The following HS6ST3 variants were observed in gnomAD, a reference collection of about 807,000 sequenced individuals.
HS6ST3 encodes the protein heparan-sulfate 6-O-sulfotransferase 3.
HS6ST3 carries 12 observed loss-of-function variants against 36.7 expected under a neutral mutation model. The observed-to-expected ratio is 0.33, with a 90% confidence interval of 0.21 to 0.53. The LOEUF is 0.53. Ranked by LOEUF, HS6ST3 falls within the 20% of genes least tolerant of loss-of-function variation. The pLI, the probability that HS6ST3 is intolerant of heterozygous loss-of-function variation, is 0.95. For synonymous variants in HS6ST3, 240 were observed against 257.5 expected, an observed-to-expected ratio of 0.93 and a Z score of 0.65; for missense variants, 584 against 640.9, an observed-to-expected ratio of 0.91 and a Z score of 0.96.
intron 1 of HS6ST3, among the ~76,000 whole-genome samples, chr13:96,324,165 G>C (rs188821770): frequency 5.4e-4 from 82 of 152,262 alleles, no homozygotes; most frequent in African/African-American, 1.9e-3. Flanking sequence ...CACTTAACAG[G>C]CTTCCAGAAG....
chr13:96,664,411 A>G (rs2056656578), intron 1 of HS6ST3, among the ~76,000 whole-genome samples: 1 of 152,180 alleles, frequency 6.6e-6, no homozygotes, highest in South Asian at 2.1e-4. Flanking sequence ...CTCAGACCCC[A>G]GTTGCTGTGC....
intron 1 of HS6ST3, among the ~76,000 whole-genome samples, chr13:96,397,273 C>G (rs1370888360): frequency 6.6e-6 from 1 of 152,136 alleles, no homozygotes; most frequent in East Asian, 1.9e-4. Context: ...TAGGTATATA[C>G]TTTTAAAGCG....
intron 1 of HS6ST3, among the ~76,000 whole-genome samples, chr13:96,166,136 T>C (rs2054159077): frequency 1.3e-5 from 2 of 152,084 alleles, no homozygotes; most frequent in South Asian, 4.2e-4. Flanking sequence ...TAGCTCACTG[T>C]GGCCTTGAAC....
At chr13:96,147,344 C>T (rs1468378677) in intron 1 of HS6ST3, among the ~76,000 whole-genome samples, 1 of 152,180 alleles carries the variant, frequency 6.6e-6, no homozygotes, top group Admixed American at 6.5e-5. Flanking sequence ...TTAACTGTCT[C>T]TTACAGAGGT....
chr13:96,138,675 G>A (rs2139316021), intron 1 of HS6ST3, among the ~76,000 whole-genome samples: 1 of 152,048 alleles, frequency 6.6e-6, no homozygotes, highest in East Asian at 1.9e-4. Context: ...ATATGTATTA[G>A]TTTGCATTTG....
At chr13:96,476,484 T>C (rs1327718439) in intron 1 of HS6ST3, among the ~76,000 whole-genome samples, 1 of 152,164 alleles carries the variant, frequency 6.6e-6, no homozygotes, top group Non-Finnish European at 1.5e-5. Context: ...TGCCTCAGCC[T>C]CCAGAGCAGC....
chr13:96,282,704 T>C (rs2054781920), intron 1 of HS6ST3, among the ~76,000 whole-genome samples: 1 of 152,198 alleles, frequency 6.6e-6, no homozygotes, highest in African/African-American at 2.4e-5. Context: ...ATGTAAGTTC[T>C]TAGGTAGAAT....
intron 1 of HS6ST3, among the ~76,000 whole-genome samples, chr13:96,420,820 A>G (rs563801926): frequency 6.6e-6 from 1 of 152,336 alleles, no homozygotes; most frequent in East Asian, 1.9e-4. Context: ...AGTTATTTTT[A>G]CATTGCCTGA....
At chr13:96,562,619 T>C (rs551538961) in intron 1 of HS6ST3, among the ~76,000 whole-genome samples, 1 of 152,292 alleles carries the variant, frequency 6.6e-6, no homozygotes, top group South Asian at 2.1e-4. Context: ...ACCATTCAGA[T>C]TTTTAAAATC....
At chr13:96,656,679 A>G (rs563797858) in intron 1 of HS6ST3, among the ~76,000 whole-genome samples, 2 of 152,220 alleles carry the variant, frequency 1.3e-5, no homozygotes, top group African/African-American at 4.8e-5. Flanking sequence ...CTGTAGTAGA[A>G]TGGAGGAAGG....
intron 1 of HS6ST3, among the ~76,000 whole-genome samples, chr13:96,730,246 T>A (rs2138476063): frequency 6.6e-6 from 1 of 152,358 alleles, no homozygotes; most frequent in South Asian, 2.1e-4. Flanking sequence ...CTTCTGGTCA[T>A]CTTCTTGCAG....
chr13:96,765,060 C>CTTTTTTTTTTTTTTT (rs11423735), intron 1 of HS6ST3, among the ~76,000 whole-genome samples: 25 of 93,912 alleles, frequency 2.7e-4, no homozygotes, highest in East Asian at 6.7e-4. Context: ...TTGTTTCTTT[C>CTTTTTTTTTTTTTTT]TTTTTTTTTT....
chr13:96,800,437 G>A (rs1026892321), intron 1 of HS6ST3, among the ~76,000 whole-genome samples: 10 of 151,972 alleles, frequency 6.6e-5, no homozygotes, highest in African/African-American at 2.4e-4. Flanking sequence ...CATCGGAGCA[G>A]TGCAGTATCT....
At chr13:96,712,288 A>G (rs914572527) in intron 1 of HS6ST3, among the ~76,000 whole-genome samples, 2 of 152,214 alleles carry the variant, frequency 1.3e-5, no homozygotes, top group Non-Finnish European at 1.5e-5. Context: ...CGTAAGAGAC[A>G]TAAATTCATC....
chr13:96,231,740 T>C (rs1477251645), intron 1 of HS6ST3, among the ~76,000 whole-genome samples: 1 of 152,034 alleles, frequency 6.6e-6, no homozygotes, highest in Admixed American at 6.6e-5. Flanking sequence ...AAGTAGGACG[T>C]TTTTCTGGAA....
intron 1 of HS6ST3, among the ~76,000 whole-genome samples, chr13:96,476,195 C>T (rs1243390624): frequency 6.6e-6 from 1 of 152,094 alleles, no homozygotes; most frequent in East Asian, 1.9e-4. Context: ...TTCATCTTTG[C>T]TGGAGTCTTA....
At chr13:96,440,032 T>C (rs1359230701) in intron 1 of HS6ST3, among the ~76,000 whole-genome samples, 1 of 152,238 alleles carries the variant, frequency 6.6e-6, no homozygotes, top group Non-Finnish European at 1.5e-5. Flanking sequence ...TAGAGTGATA[T>C]GCTCCATTTA....
chr13:96,656,160 C>T (rs2056624043), intron 1 of HS6ST3, among the ~76,000 whole-genome samples: 1 of 152,078 alleles, frequency 6.6e-6, no homozygotes, highest in South Asian at 2.1e-4. Flanking sequence ...TTGAAGATAA[C>T]TAATGTGGTA....
intron 1 of HS6ST3, among the ~76,000 whole-genome samples, chr13:96,582,825 G>A (rs2056346650): frequency 6.6e-6 from 1 of 152,082 alleles, no homozygotes; most frequent in African/African-American, 2.4e-5. Context: ...TGCATGCATA[G>A]TGTTGCCAGA....
Sources: gnomAD v4.1 joint callset for allele counts (sites outside exome capture counted in the v4.1 genomes callset) on GRCh38, gnomAD v4.1.1 for gene constraint, MANE v1.5 for transcripts, NCBI Gene and HGNC (gene_info 2026-07-23, HGNC 2026-07-21) for gene names.